CACNA2D3: variants seen among roughly 807,000 people sequenced by gnomAD.
CACNA2D3 encodes the protein voltage-dependent calcium channel subunit alpha-2/delta-3.
Under a neutral mutation model 160.6 loss-of-function variants are expected in CACNA2D3, and 60 were observed. The ratio of observed to expected loss-of-function variants is 0.37; its 90% confidence interval spans 0.30 to 0.46. CACNA2D3 has a LOEUF of 0.46. CACNA2D3 is among the 20% of genes least tolerant of loss of function. CACNA2D3 has a pLI of 1.00. For missense variants in CACNA2D3, 1,205 were observed against 1,365.0 expected (o/e 0.88, Z 1.85); for synonymous variants, 558 against 492.9 (o/e 1.13, Z -1.75).
chr3:54,887,244 G>A (rs896256936), intron 23 of CACNA2D3, among the ~76,000 whole-genome samples: 1 of 151,976 alleles, frequency 6.6e-6, no homozygotes, highest in Non-Finnish European at 1.5e-5. Context: ...TGGCCAACAT[G>A]GTAAAACCCC....
At chr3:54,388,673 C>T (rs991836243) in intron 4 of CACNA2D3, among the ~76,000 whole-genome samples, 5 of 152,188 alleles carry the variant, frequency 3.3e-5, no homozygotes, top group African/African-American at 1.2e-4. Flanking sequence ...TTCCTAAAGC[C>T]ATACTCAGTT....
intron 2 of CACNA2D3, among the ~76,000 whole-genome samples, chr3:54,199,020 A>T (rs1039738122): frequency 3.3e-5 from 5 of 152,066 alleles, no homozygotes; most frequent in African/African-American, 1.2e-4. Flanking sequence ...TTTCTTTCTT[A>T]TAAACCCCTT....
intron 25 of CACNA2D3, chr3:54,894,794 C>T (rs1157705194): frequency 4.9e-6 from 2 of 407,048 alleles, no homozygotes; most frequent in Non-Finnish European, 9.9e-6. Context: ...TTCAGTATTC[C>T]TGAAGCCTGA....
In CACNA2D3 at chr3:54,157,791, TA is replaced by T. The variant is rs1237561659; in HGVS notation, c.204+34205del. Among the ~76,000 whole-genome samples, 6 of 90,336 alleles carry T rather than the reference TA, an allele frequency of 6.6e-5. No individual in the cohort carries two copies. In the East Asian group the frequency reaches 1.3e-3, roughly 20 times the overall value. 59.3% of individuals were successfully genotyped at this position (90,336 alleles called of 152,430 possible). A position where few individuals can be genotyped will look rare whatever the true frequency, so the allele number is the denominator to read the frequency against. On this transcript the variant is annotated intron_variant, in intron 2 of 37. Coordinates refer to ENST00000474759, the MANE Select transcript of CACNA2D3 (RefSeq NM_018398.3). Reference sequence around the variant, plus strand: ...GGGCAACAAGAGTGAAAACTCCGTCTAAAAAAAACAAAAAAGCAAAAAAAGC... The same window carrying T: ...GGGCAACAAGAGTGAAAACTCCGTCTAAAAAAACAAAAAAGCAAAAAAAGC...
At chr3:54,885,053 G>T (rs370717141) in intron 21 of CACNA2D3, among the ~76,000 whole-genome samples, 13 of 152,252 alleles carry the variant, frequency 8.5e-5, no homozygotes, top group African/African-American at 3.1e-4. Context: ...GAACAGCCAG[G>T]GAAGGTGGCA....
At chr3:54,619,601 A>G (rs888274908) in intron 9 of CACNA2D3, among the ~76,000 whole-genome samples, 23 of 152,220 alleles carry the variant, frequency 1.5e-4, no homozygotes, top group African/African-American at 5.1e-4. Flanking sequence ...ATGCCATTCT[A>G]TCAGTGTCTG....
intron 16 of CACNA2D3, among the ~76,000 whole-genome samples, chr3:54,843,250 T>A (rs572178600): frequency 6.6e-6 from 1 of 152,326 alleles, no homozygotes; most frequent in African/African-American, 2.4e-5. Context: ...CATGAGCTAC[T>A]GTGCCCAGCC....
intron 3 of CACNA2D3, among the ~76,000 whole-genome samples, chr3:54,340,776 T>A (rs1704500423): frequency 6.6e-6 from 1 of 152,186 alleles, no homozygotes; most frequent in Non-Finnish European, 1.5e-5. Flanking sequence ...TACTTCCTGG[T>A]TTTCCATGGA....
At chr3:54,372,510 G>A (rs1698942279) in intron 3 of CACNA2D3, among the ~76,000 whole-genome samples, 2 of 152,152 alleles carry the variant, frequency 1.3e-5, no homozygotes, top group Admixed American at 1.3e-4. Flanking sequence ...GCATTGTATA[G>A]ATACCAGGGA....
At chr3:54,655,559 TAGA>T (rs1408053298) in intron 11 of CACNA2D3, among the ~76,000 whole-genome samples, 1 of 152,238 alleles carries the variant, frequency 6.6e-6, no homozygotes, top group Non-Finnish European at 1.5e-5. Context: ...GTGGTTGACT[TAGA>T]AGAAGATTAA....
chr3:55,037,260 A>G (rs1703842151), intron 35 of CACNA2D3, among the ~76,000 whole-genome samples: 1 of 152,220 alleles, frequency 6.6e-6, no homozygotes, highest in African/African-American at 2.4e-5. Flanking sequence ...GTGATGCACC[A>G]CCATTGTGTG....
intron 12 of CACNA2D3, among the ~76,000 whole-genome samples, chr3:54,753,199 C>T (rs1340486616): frequency 1.3e-5 from 2 of 152,160 alleles, no homozygotes; most frequent in African/African-American, 4.8e-5. Context: ...GTGGTTAAGC[C>T]TTTCCACTCT....
At chr3:54,581,543 A>C (rs1702677862) in intron 8 of CACNA2D3, among the ~76,000 whole-genome samples, 1 of 152,166 alleles carries the variant, frequency 6.6e-6, no homozygotes, top group African/African-American at 2.4e-5. Flanking sequence ...TGATCAGTTA[A>C]CAGGGTGCAC....
intron 14 of CACNA2D3, among the ~76,000 whole-genome samples, chr3:54,818,842 T>G (rs1703520687): frequency 6.6e-6 from 1 of 152,216 alleles, no homozygotes; most frequent in South Asian, 2.1e-4. Flanking sequence ...TACAAAATAT[T>G]AAGAGATCTA....
At chr3:54,740,826 T>C (rs2107041297) in intron 11 of CACNA2D3, among the ~76,000 whole-genome samples, 1 of 152,328 alleles carries the variant, frequency 6.6e-6, no homozygotes, top group South Asian at 2.1e-4. Context: ...AAAAGGCAAC[T>C]GTGCTATCTT....
chr3:54,501,549 G>A (rs1701294302), intron 4 of CACNA2D3, among the ~76,000 whole-genome samples: 1 of 151,712 alleles, frequency 6.6e-6, no homozygotes, highest in Admixed American at 6.6e-5. Flanking sequence ...TGGGACTACA[G>A]GCGGGTGCTG....
At chr3:54,907,838 G>A (rs1214802054) in intron 27 of CACNA2D3, among the ~76,000 whole-genome samples, 1 of 152,106 alleles carries the variant, frequency 6.6e-6, no homozygotes, top group Non-Finnish European at 1.5e-5. Context: ...GTGCCCTTTT[G>A]TGACAAGCTT....
At chr3:54,208,490 T>G (rs1202703749) in intron 2 of CACNA2D3, among the ~76,000 whole-genome samples, 1 of 152,162 alleles carries the variant, frequency 6.6e-6, no homozygotes. Flanking sequence ...TGGAAGGCAC[T>G]TATGGTATGG....
intron 10 of CACNA2D3, chr3:54,632,575 G>A (rs1044338449): frequency 6.6e-6 from 1 of 152,218 alleles, no homozygotes; most frequent in African/African-American, 2.4e-5. Flanking sequence ...GCTTCCCAGA[G>A]TTGGAAGGAC....
Sources: allele counts gnomAD v4.1 joint callset (sites outside exome capture counted in the v4.1 genomes callset), GRCh38; gene constraint gnomAD v4.1.1; transcripts MANE v1.5; gene names NCBI Gene and HGNC (gene_info 2026-07-23, HGNC 2026-07-21).